The following PTPRC variants were observed in gnomAD, a reference collection of about 807,000 sequenced individuals.
PTPRC encodes the protein protein tyrosine phosphatase receptor type C.
PTPRC carries 44 observed loss-of-function variants against 155.9 expected under a neutral mutation model. The observed-to-expected ratio is 0.28, with a 90% CI of 0.22 to 0.36. The LOEUF (loss-of-function observed/expected upper bound fraction) is 0.36, where lower values mean the gene tolerates loss of function less well. Ranked by LOEUF, PTPRC falls within the 10% of genes least tolerant of loss-of-function variation. The pLI is 1.00. For missense variants in PTPRC, 1,401 were observed against 1,564.6 expected (o/e 0.90, Z 1.76); for synonymous variants, 525 against 533.1 (o/e 0.98, Z 0.21).
At chr1:198,648,279 A>G (rs779339637) in intron 2 of PTPRC, among the ~76,000 whole-genome samples, 1 of 151,870 alleles carries the variant, frequency 6.6e-6, no homozygotes, top group Non-Finnish European at 1.5e-5. Context: ...GAAAAGGGAA[A>G]ACATACAGAA....
intron 13 of PTPRC, 27 bp downstream of exon 13, chr1:198,716,867 T>C (rs1407964094): frequency 1.2e-6 from 2 of 1,606,394 alleles, no homozygotes; most frequent in African/African-American, 2.7e-5. Context: ...AATGCTTCTT[T>C]CCATAAATGG....
intron 2 of PTPRC, among the ~76,000 whole-genome samples, chr1:198,642,916 CT>C (rs765314952): frequency 3.5e-5 from 5 of 142,572 alleles, no homozygotes; most frequent in Non-Finnish European, 6.1e-5. Flanking sequence ...TCCTTTCTTT[CT>C]TTCTTTCTTT....
intron 31 of PTPRC, among the ~76,000 whole-genome samples, chr1:198,753,229 C>T (rs1363283522): frequency 6.6e-6 from 1 of 151,882 alleles, no homozygotes; most frequent in Non-Finnish European, 1.5e-5. Flanking sequence ...TAACTGAAAT[C>T]ACAAAGCTTA....
In PTPRC at chr1:198,749,560, A is replaced by C. The variant is rs1558038824; in HGVS notation, c.3072+11A>C. The C allele has an allele frequency of 1.9e-6, 3 of 1,609,550 alleles. No homozygotes were observed. Among genetic ancestry groups the C allele is most frequent in the African/African-American group, 2.7e-5 (2 of 74,818 alleles). On this transcript the variant is annotated intron_variant, in intron 28 of 32. Coordinates refer to ENST00000442510, the MANE Select transcript of PTPRC (RefSeq NM_002838.5). Reference sequence around the variant, plus strand: ...GCATCTTTTATAATGGTAGGTACTTAAATTGCCAAAACCCAAGATCCAAAC... The same window carrying C: ...GCATCTTTTATAATGGTAGGTACTTCAATTGCCAAAACCCAAGATCCAAAC...
chr1:198,696,695 T>G lies in PTPRC; in HGVS notation c.101-17T>G. 6.2e-7 allele frequency: 1 copy of G among 1,604,976 alleles called. No individual in the cohort carries two copies. The highest frequency in any genetic ancestry group is 8.5e-7 in the Non-Finnish European group (1 of 1,171,710). ...CATATTTATTTTGTCCTTCTCCCATTTTCCATTAATTAACAGGATTGACTA... is the reference window on the plus strand; with the variant it reads ...CATATTTATTTTGTCCTTCTCCCATGTTCCATTAATTAACAGGATTGACTA... On this transcript the variant is annotated splice_polypyrimidine_tract_variant and intron_variant, in intron 3 of 32. Transcript: ENST00000442510.
At chr1:198,698,704 T>C (rs1344293518) in intron 4 of PTPRC, among the ~76,000 whole-genome samples, 1 of 151,940 alleles carries the variant, frequency 6.6e-6, no homozygotes, top group Admixed American at 6.6e-5. Flanking sequence ...TATATATATT[T>C]GTATATACTG....
intron 23 of PTPRC, among the ~76,000 whole-genome samples, chr1:198,736,238 T>C (rs747675098): frequency 6.6e-6 from 1 of 151,694 alleles, no homozygotes; most frequent in Non-Finnish European, 1.5e-5. Flanking sequence ...AATAAATTAT[T>C]GTTGAATAGT....
intron 2 of PTPRC, among the ~76,000 whole-genome samples, chr1:198,641,007 G>A (rs1214069359): frequency 6.6e-6 from 1 of 151,378 alleles, no homozygotes; most frequent in Non-Finnish European, 1.5e-5. Flanking sequence ...AATATGATGG[G>A]GTCTAGAAAC....
chr1:198,719,654 A>G (rs1653783096), intron 14 of PTPRC, among the ~76,000 whole-genome samples: 1 of 151,716 alleles, frequency 6.6e-6, no homozygotes, highest in Non-Finnish European at 1.5e-5. Flanking sequence ...TCTGTCACCC[A>G]GGCTGGAGTG....
chr1:198,735,116 T>G lies in PTPRC; in HGVS notation c.2278-11T>G, dbSNP rs536094410. The G allele has an allele frequency of 2.5e-6, 4 of 1,576,980 alleles. No individual in the cohort carries two copies. The African/African-American group carries it at 5.5e-5, about 22-fold the overall frequency. Reference sequence around the variant, plus strand: ...AAAAATTAAAATACTTAATAATTTTTTAAAATGTAGAACAAGTGTGCAGAA... The same window carrying G: ...AAAAATTAAAATACTTAATAATTTTGTAAAATGTAGAACAAGTGTGCAGAA... On this transcript the variant is annotated splice_polypyrimidine_tract_variant and intron_variant, in intron 22 of 32. Coordinates refer to ENST00000442510, the MANE Select transcript of PTPRC (RefSeq NM_002838.5).
intron 2 of PTPRC, among the ~76,000 whole-genome samples, chr1:198,675,487 T>TTTGA (rs2102308488): frequency 6.6e-6 from 1 of 152,262 alleles, no homozygotes; most frequent in East Asian, 1.9e-4. Flanking sequence ...CCTGACTAGG[T>TTTGA]TTGATTGGAT....
chr1:198,729,113 A>T, intron 16 of PTPRC, 24 bp from the exon 17 acceptor site: 3 of 1,609,134 alleles, frequency 1.9e-6, no homozygotes, highest in East Asian at 2.2e-5. Flanking sequence ...AGAATATAGA[A>T]ACTTATTTTT....
intron 18 of PTPRC, among the ~76,000 whole-genome samples, chr1:198,732,003 A>C (rs1654409814): frequency 6.6e-6 from 1 of 152,002 alleles, no homozygotes; most frequent in Non-Finnish European, 1.5e-5. Context: ...GTTGTACTCT[A>C]GATACTCATC....
chr1:198,750,381 G>T, intron 28 of PTPRC, 111 bp from the exon 29 acceptor site: 1 of 1,100,006 alleles, frequency 9.1e-7, no homozygotes, highest in Non-Finnish European at 1.4e-6. Context: ...ATTACTATTT[G>T]TATGTAACAG....
intron 2 of PTPRC, among the ~76,000 whole-genome samples, chr1:198,650,996 A>T (rs1437103101): frequency 6.6e-6 from 1 of 151,886 alleles, no homozygotes; most frequent in Non-Finnish European, 1.5e-5. Flanking sequence ...AAATATCTCT[A>T]TTAACTTTAA....
chr1:198,690,918 A>G (rs766248639), intron 2 of PTPRC, among the ~76,000 whole-genome samples: 7 of 152,130 alleles, frequency 4.6e-5, no homozygotes, highest in Non-Finnish European at 1.0e-4. Flanking sequence ...ACATTTCCAC[A>G]AACCCAGATG....
intron 2 of PTPRC, among the ~76,000 whole-genome samples, chr1:198,684,133 A>T (rs1248583693): frequency 6.6e-6 from 1 of 151,574 alleles, no homozygotes; most frequent in Admixed American, 6.6e-5. Flanking sequence ...TGACTTGTAG[A>T]TAAATAGTTT....
chr1:198,659,330 G>C (rs1663799540), intron 2 of PTPRC, among the ~76,000 whole-genome samples: 1 of 152,106 alleles, frequency 6.6e-6, no homozygotes, highest in African/African-American at 2.4e-5. Context: ...TTTCACAAAT[G>C]TTAGTATTGC....
In PTPRC at chr1:198,731,642, G is replaced by A; in HGVS notation, c.1890G>A (p.Val630=). 1.9e-6 allele frequency: 3 copies of A among 1,610,512 alleles called. No homozygotes were observed. Among genetic ancestry groups the A allele is most frequent in the South Asian group, 2.2e-5 (2 of 91,022 alleles). ...ERDDEKQLMN[V]EPIHADILLE... ...ATGATGAAAAACAACTGATGAATGT[G>A]GAGCCAATCCATGCAGATATTTTGT... Residue 630 remains valine, a synonymous_variant, in exon 18 of 33, where the codon GTG becomes GTA. Coordinates refer to ENST00000442510, the MANE Select transcript of PTPRC (RefSeq NM_002838.5).
Sources: allele counts gnomAD v4.1 joint callset (sites outside exome capture counted in the v4.1 genomes callset), GRCh38; gene constraint gnomAD v4.1.1; transcripts MANE v1.5; gene names NCBI Gene and HGNC (gene_info 2026-07-23, HGNC 2026-07-21).